Variants in GIGYF2 observed in about 807,000 individuals in gnomAD.
GIGYF2 encodes the protein GRB10 interacting GYF protein 2, also known as GRB10-interacting GYF protein 2.
Under a neutral mutation model 208.1 loss-of-function variants are expected in GIGYF2, and 25 were observed. That is an observed-to-expected ratio of 0.12 (90% CI 0.09 to 0.17). The LOEUF is 0.17. Among genes scored for constraint, GIGYF2 ranks in the 10% least tolerant of loss-of-function variants. The pLI is 1.00. For synonymous variants in GIGYF2, 534 were observed against 543.8 expected, an observed-to-expected ratio of 0.98 and a Z score of 0.25; for missense variants, 1,302 against 1,579.4, an observed-to-expected ratio of 0.82 and a Z score of 2.98.
chr2:232,728,209 G>A (rs907922128), intron 2 of GIGYF2, among the ~76,000 whole-genome samples: 1 of 152,134 alleles, frequency 6.6e-6, no homozygotes, highest in African/African-American at 2.4e-5. Flanking sequence ...TTCTCATTTG[G>A]CTTTGAGTTG....
intron 8 of GIGYF2, among the ~76,000 whole-genome samples, chr2:232,763,426 A>T (rs571293401): frequency 6.6e-6 from 1 of 152,298 alleles, no homozygotes; most frequent in Non-Finnish European, 1.5e-5. Flanking sequence ...GTTTTTCTAT[A>T]CATATATATC....
intron 8 of GIGYF2, among the ~76,000 whole-genome samples, chr2:232,784,263 A>C (rs1699822606): frequency 6.6e-6 from 1 of 152,210 alleles, no homozygotes; most frequent in Non-Finnish European, 1.5e-5. Flanking sequence ...CAGAAGTTCA[A>C]GACCAACCTA....
intron 6 of GIGYF2, among the ~76,000 whole-genome samples, chr2:232,759,047 T>A (rs1698649975): frequency 6.6e-6 from 1 of 152,304 alleles, no homozygotes; most frequent in East Asian, 1.9e-4. Context: ...AGTGGATACT[T>A]GCACTCGTCA....
chr2:232,845,155 C>T (rs370179111), intron 25 of GIGYF2, among the ~76,000 whole-genome samples: 3 of 152,020 alleles, frequency 2.0e-5, no homozygotes, highest in East Asian at 3.9e-4. Context: ...GTTCCCTCAT[C>T]GGTAAAATGA....
At chr2:232,764,973 A>T (rs1391350916) in intron 8 of GIGYF2, among the ~76,000 whole-genome samples, 1 of 152,190 alleles carries the variant, frequency 6.6e-6, no homozygotes, top group Non-Finnish European at 1.5e-5. Context: ...AGGTTCCATA[A>T]AACTAAACTA....
At position 232,806,767 on chromosome 2, in the gene GIGYF2, A is replaced by G; in HGVS notation, c.1806+110A>G. On this transcript the variant is annotated intron_variant, in intron 15 of 28. Transcript: ENST00000373563. This position sits in a 1 kb window ranked among gnomAD's most constrained non-coding sequence, Gnocchi z 4.0. ...CTAATGAAGGAATTGTAGTTCTTTG[A>G]AATTAATGGAAATGGTAAGGGAAAG... 1 of 827,802 alleles carries G rather than the reference A, an allele frequency of 1.2e-6. No homozygotes were observed. The highest frequency in any genetic ancestry group is 1.7e-5 in the African/African-American group (1 of 60,252). The allele number at this position is 827,802 out of a possible 1,614,324, so 51.3% of individuals were successfully genotyped here. A position where few individuals can be genotyped will look rare whatever the true frequency, so the allele number is the denominator to read the frequency against.
In GIGYF2 at chr2:232,806,359, G is replaced by A; in HGVS notation, c.1640-132G>A. Reference sequence around the variant, plus strand: ...AAATCTGTTAGCTACCTTTAGAGGTGAATTAAATTAGATAGTATAAAACAT... The same window carrying A: ...AAATCTGTTAGCTACCTTTAGAGGTAAATTAAATTAGATAGTATAAAACAT... On this transcript the variant is annotated intron_variant, in intron 14 of 28. Coordinates refer to ENST00000373563, the MANE Select transcript of GIGYF2 (RefSeq NM_001103146.3). The surrounding 1 kb of genome is among the most constrained non-coding windows in gnomAD (Gnocchi z 4.0). The A allele has an allele frequency of 1.4e-6, 1 of 734,658 alleles. No homozygotes were observed. 45.5% of individuals were successfully genotyped at this position (734,658 alleles called of 1,614,324 possible). A position where few individuals can be genotyped will look rare whatever the true frequency, so the allele number is the denominator to read the frequency against.
At chr2:232,755,466 C>T (rs1258666006) in intron 5 of GIGYF2, among the ~76,000 whole-genome samples, 1 of 152,214 alleles carries the variant, frequency 6.6e-6, no homozygotes, top group Non-Finnish European at 1.5e-5. Flanking sequence ...CCACGCCTGG[C>T]CTTTTACCTT....
intron 16 of GIGYF2, chr2:232,810,416 T>A (rs968551032): frequency 2.0e-5 from 3 of 153,814 alleles, no homozygotes; most frequent in African/African-American, 7.2e-5. Context: ...TATATATGTA[T>A]ATAAGCGAGA....
At chr2:232,721,267 A>C (rs759186769) in intron 2 of GIGYF2, among the ~76,000 whole-genome samples, 2 of 152,204 alleles carry the variant, frequency 1.3e-5, no homozygotes, top group Non-Finnish European at 2.9e-5. Context: ...AGTCCATCTG[A>C]TCTTCATACC....
intron 8 of GIGYF2, among the ~76,000 whole-genome samples, chr2:232,764,240 C>T (rs753445353): frequency 3.9e-5 from 6 of 152,186 alleles, no homozygotes; most frequent in Non-Finnish European, 8.8e-5. Context: ...CATGTAAAAG[C>T]AGCCTTCTGT....
chr2:232,852,655 A>G lies in GIGYF2; in HGVS notation c.3832+2246A>G, dbSNP rs375882896. On this transcript the variant is annotated intron_variant, in intron 28 of 28. Transcript: ENST00000373563. ...GTTTGGGAACTTGTAGATCTGGTGC[A>G]ATTCTGTTTTCCTCTGCTTGTCTCA... is the stretch of plus-strand genomic sequence containing the variant. Among the ~76,000 whole-genome samples the G allele has an allele frequency of 1.2e-4, 19 of 152,152 alleles. No homozygotes were observed. In the East Asian group the frequency reaches 2.1e-3, roughly 17 times the overall value.
At chr2:232,855,446 A>C (rs753189795) in intron 28 of GIGYF2, among the ~76,000 whole-genome samples, 1 of 152,210 alleles carries the variant, frequency 6.6e-6, no homozygotes, top group African/African-American at 2.4e-5. Flanking sequence ...TTCTAAGCCA[A>C]ATTCCCTTTT....
intron 8 of GIGYF2, among the ~76,000 whole-genome samples, chr2:232,763,377 C>T (rs1385508219): frequency 1.3e-5 from 2 of 152,080 alleles, no homozygotes; most frequent in Non-Finnish European, 1.5e-5. Context: ...CCAGTGGATG[C>T]CTGAAACCAC....
intron 13 of GIGYF2, among the ~76,000 whole-genome samples, chr2:232,795,262 CTTTTGTATT>C (rs1292032781): frequency 6.6e-6 from 1 of 152,120 alleles, no homozygotes; most frequent in Non-Finnish European, 1.5e-5. Flanking sequence ...GTCACTGTAT[CTTTTGTATT>C]TTTTGCTTCA....
Position 232,796,240 on chromosome 2 carries a change from C to G in GIGYF2, c.1639+19C>G. ...ATTCAAGGCAAGTTGTTCCTTTTTC[C>G]TTTAAATACTGAAGTGTGTGCCATT... On this transcript the variant is annotated intron_variant, in intron 14 of 28. Coordinates refer to ENST00000373563, the MANE Select transcript of GIGYF2 (RefSeq NM_001103146.3). 6.7e-7 allele frequency: 1 copy of G among 1,483,744 alleles called. No individual in the cohort carries two copies. Among genetic ancestry groups the G allele is most frequent in the Non-Finnish European group, 9.4e-7 (1 of 1,060,948 alleles). The allele number at this position is 1,483,744 out of a possible 1,614,324, so 91.9% of individuals were successfully genotyped here.
chr2:232,787,550 A>G (rs564523622), intron 9 of GIGYF2, among the ~76,000 whole-genome samples: 87 of 152,292 alleles, frequency 5.7e-4, no homozygotes, highest in African/African-American at 1.9e-3. Context: ...TGGGGCAAAT[A>G]GTGTAGTTTA....
Position 232,819,841 on chromosome 2 carries a change from T to A in GIGYF2, c.2385T>A (p.Arg795=). Residue 795 remains arginine, a synonymous_variant, in exon 21 of 29, where the codon CGT becomes CGA. Transcript: ENST00000373563. ...LARRKQEEAL[R]RQREQEIALR... ...TTTTTCCTTAGGAAGAGGCTCTGCG[T>A]CGCCAGCGGGAGCAAGAAATTGCAT... is the stretch of plus-strand genomic sequence containing the variant. The A allele has an allele frequency of 7.4e-7, 1 of 1,354,970 alleles. No individual in the cohort carries two copies. The highest frequency in any genetic ancestry group is 9.8e-7 in the Non-Finnish European group (1 of 1,017,916). 83.9% of individuals were successfully genotyped at this position (1,354,970 alleles called of 1,614,324 possible).
At chr2:232,735,672 C>A in intron 3 of GIGYF2, 1 of 990,466 alleles carries the variant, frequency 1.0e-6, no homozygotes, top group Non-Finnish European at 1.2e-6. Flanking sequence ...GCAGGTAGTT[C>A]AGTATTATAC....
Sources: gnomAD v4.1 joint callset for allele counts (sites outside exome capture counted in the v4.1 genomes callset) on GRCh38, gnomAD v4.1.1 for gene constraint, Gnocchi (gnomAD v3.1) non-coding constraint, MANE v1.5 for transcripts, NCBI Gene and HGNC (gene_info 2026-07-23, HGNC 2026-07-21) for gene names.